FRS2: variants seen among roughly 807,000 people sequenced by gnomAD.
FRS2 encodes the protein fibroblast growth factor receptor substrate 2, also known as FGFR signalling adaptor.
In FRS2, 8 loss-of-function variants were observed where a neutral mutation model predicts 43.9. The ratio of observed to expected loss-of-function variants is 0.18; its 90% CI spans 0.11 to 0.33. FRS2 has a LOEUF of 0.33. Among genes scored for constraint, FRS2 ranks in the 10% least tolerant of loss-of-function variants. The probability of loss-of-function intolerance (pLI) is 1.00; values close to 1 mark genes in which losing one functional copy is unlikely to be tolerated. For missense variants in FRS2, 534 were observed against 627.6 expected, an observed-to-expected ratio of 0.85 and a Z score of 1.59; for synonymous variants, 219 against 220.3, an observed-to-expected ratio of 0.99 and a Z score of 0.05.
At chr12:69,516,856 T>C (rs1012372058) in intron 1 of FRS2, among the ~76,000 whole-genome samples, 6 of 152,230 alleles carry the variant, frequency 3.9e-5, no homozygotes, top group African/African-American at 1.4e-4. Context: ...GATTTATGCT[T>C]CTTATACAAA....
chr12:69,485,141 A>AC (rs1479668683), intron 1 of FRS2, among the ~76,000 whole-genome samples: 4 of 142,602 alleles, frequency 2.8e-5, no homozygotes, highest in South Asian at 2.2e-4. Context: ...ACACACTCTC[A>AC]CCCCCCTAAA....
In FRS2 at chr12:69,493,670, G is replaced by A. The variant is rs1036670389; in HGVS notation, c.-261+23140G>A. Reference sequence around the variant, plus strand: ...CGGGAGGCGGGGGTTGTGATAAGCCGAGATCGCGCCATTGCACTCCAGCCT... The same window carrying A: ...CGGGAGGCGGGGGTTGTGATAAGCCAAGATCGCGCCATTGCACTCCAGCCT... On this transcript the variant is annotated intron_variant, in intron 1 of 8. Transcript: ENST00000549921. 3.9e-5 allele frequency among the ~76,000 whole-genome samples: 6 copies of A among 152,282 alleles called. 1 individual carries two copies. Among genetic ancestry groups the A allele is most frequent in the East Asian group, 1.9e-4 (1 of 5,188 alleles).
In FRS2 at chr12:69,579,032, T is replaced by G. The variant is rs1370558391; in HGVS notation, c.*4077T>G. 1.3e-5 allele frequency: 2 copies of G among 152,666 alleles called. No individual in the cohort carries two copies. Among genetic ancestry groups the G allele is most frequent in the Non-Finnish European group, 2.9e-5 (2 of 68,032 alleles). The allele number at this position is 152,666 out of a possible 1,614,324, so 9.5% of individuals were successfully genotyped here. On this transcript the variant is annotated 3_prime_UTR_variant, in exon 9 of 9. Transcript: ENST00000549921. ...TTGCATTTTTAATATTGGCAAAACG[T>G]AACCACTGTTAATTAAAATAAAACC...
At chr12:69,498,455 C>T (rs1293777620) in intron 1 of FRS2, among the ~76,000 whole-genome samples, 1 of 151,378 alleles carries the variant, frequency 6.6e-6, no homozygotes, top group Non-Finnish European at 1.5e-5. Flanking sequence ...GTTCATGCGG[C>T]CCAGGATGGC....
At chr12:69,506,500 C>T (rs1873939280) in intron 1 of FRS2, among the ~76,000 whole-genome samples, 2 of 151,860 alleles carry the variant, frequency 1.3e-5, no homozygotes, top group African/African-American at 4.8e-5. Flanking sequence ...CTTTTCTCAT[C>T]TGACTGATAA....
intron 1 of FRS2, among the ~76,000 whole-genome samples, chr12:69,528,000 GA>G (rs59438272): frequency 0.093 from 14,200 of 152,252 alleles, 873 homozygotes; most frequent in Non-Finnish European, 0.14. Flanking sequence ...AGTGAAAATA[GA>G]TTGTTCAGAT....
intron 3 of FRS2, among the ~76,000 whole-genome samples, chr12:69,561,722 A>G (rs940150201): frequency 1.3e-5 from 2 of 152,172 alleles, no homozygotes; most frequent in Non-Finnish European, 2.9e-5. Flanking sequence ...TGGGGGATGG[A>G]TTTTGAAGAC....
chr12:69,482,708 G>C (rs1358887698), intron 1 of FRS2, among the ~76,000 whole-genome samples: 1 of 152,160 alleles, frequency 6.6e-6, no homozygotes, highest in African/African-American at 2.4e-5. Context: ...TGTTGAAACT[G>C]TTTTCTGGCA....
intron 1 of FRS2, among the ~76,000 whole-genome samples, chr12:69,483,570 T>C (rs116847823): frequency 0.019 from 2,924 of 152,212 alleles, 36 homozygotes; most frequent in Non-Finnish European, 0.028. Flanking sequence ...CATATACATC[T>C]TCTATCACTT....
chr12:69,490,577 G>T (rs913199509), intron 1 of FRS2, among the ~76,000 whole-genome samples: 3 of 152,040 alleles, frequency 2.0e-5, no homozygotes, highest in South Asian at 4.1e-4. Flanking sequence ...AGCCATTTGA[G>T]ATCTAGACCA....
chr12:69,545,768 A>T (rs566515), intron 3 of FRS2, among the ~76,000 whole-genome samples: 1 of 143,138 alleles, frequency 7.0e-6, no homozygotes, highest in African/African-American at 2.5e-5. Context: ...AAAAAAAAAA[A>T]AAAAAAAAAA....
At chr12:69,525,381 A>C (rs570733324) in intron 1 of FRS2, among the ~76,000 whole-genome samples, 1 of 152,272 alleles carries the variant, frequency 6.6e-6, no homozygotes, top group Non-Finnish European at 1.5e-5. Context: ...TGTATGATAA[A>C]GTTTCAAGAA....
chr12:69,567,289 TATC>T (rs1280290862), intron 4 of FRS2, among the ~76,000 whole-genome samples: 1 of 152,184 alleles, frequency 6.6e-6, no homozygotes, highest in African/African-American at 2.4e-5. Flanking sequence ...AAATACCAAA[TATC>T]ATGAGTCTTA....
intron 1 of FRS2, among the ~76,000 whole-genome samples, chr12:69,520,375 AG>A (rs144137476): frequency 4.3e-4 from 42 of 97,606 alleles, no homozygotes; most frequent in Non-Finnish European, 3.2e-4. Flanking sequence ...CTCTATTATT[AG>A]TTTTTTTTTT....
At position 69,477,754 on chromosome 12, in the gene FRS2, T is replaced by G. The variant is rs946363422; in HGVS notation, c.-261+7224T>G. Among the ~76,000 whole-genome samples, 14 of 146,272 alleles carry G rather than the reference T, an allele frequency of 9.6e-5. 1 individual carries two copies. The East Asian group carries it at 1.4e-3, about 15-fold the overall frequency. ...TTTATTTATTTATTTATTTATTTATTTTTTGAGACAGAGTCTCGCTCTGTT... is the reference window on the plus strand; with the variant it reads ...TTTATTTATTTATTTATTTATTTATGTTTTGAGACAGAGTCTCGCTCTGTT... On this transcript the variant is annotated intron_variant, in intron 1 of 8. Coordinates refer to ENST00000549921, the MANE Select transcript of FRS2 (RefSeq NM_001278356.2).
intron 3 of FRS2, among the ~76,000 whole-genome samples, chr12:69,538,195 TTTTATATA>T (rs1352385229): frequency 3.9e-5 from 3 of 76,894 alleles, no homozygotes; most frequent in African/African-American, 2.2e-4. Context: ...AAAAAACAAA[TTTTATATA>T]TATATATATA....
chr12:69,480,504 G>GAGTGC (rs1410909962), intron 1 of FRS2: 3 of 152,190 alleles, frequency 2.0e-5, no homozygotes, highest in Non-Finnish European at 2.9e-5. Flanking sequence ...GCCCAGGCTG[G>GAGTGC]AGTGCAGTGA....
At chr12:69,472,681 A>G (rs1042957038) in intron 1 of FRS2, among the ~76,000 whole-genome samples, 1 of 152,232 alleles carries the variant, frequency 6.6e-6, no homozygotes, top group Non-Finnish European at 1.5e-5. Context: ...ATGTTATGCT[A>G]TGTTATGCAT....
chr12:69,572,085 C>A, intron 7 of FRS2, 33 bp from the exon 8 acceptor site: 2 of 1,586,728 alleles, frequency 1.3e-6, no homozygotes, highest in South Asian at 1.1e-5. Context: ...TGCCCCGCCC[C>A]CCTTTTCCTT....
Sources: allele counts gnomAD v4.1 joint callset (sites outside exome capture counted in the v4.1 genomes callset), GRCh38; gene constraint gnomAD v4.1.1; transcripts MANE v1.5; gene names NCBI Gene and HGNC (gene_info 2026-07-23, HGNC 2026-07-21).